Variants in ENTHD1 observed in about 807,000 individuals in gnomAD.
The protein encoded by ENTHD1 is ENTH domain containing 1, also known as ENTH domain-containing protein 1.
A neutral mutation model predicts 39.1 loss-of-function variants in ENTHD1; 23 were observed. The ratio of observed to expected loss-of-function variants is 0.59; its 90% CI spans 0.42 to 0.83. The LOEUF is 0.83. Ranked by LOEUF, ENTHD1 falls within the 40% of genes least tolerant of loss-of-function variation. The pLI is 0.00. For missense variants in ENTHD1, 624 were observed against 705.4 expected (o/e 0.88, Z 1.31); for synonymous variants, 230 against 258.2 (o/e 0.89, Z 1.05).
chr22:39,865,229 C>G (rs899086709), intron 2 of ENTHD1, among the ~76,000 whole-genome samples: 2 of 152,014 alleles, frequency 1.3e-5, no homozygotes, highest in African/African-American at 4.8e-5. Flanking sequence ...GGACTTCTCC[C>G]CAGATCATCA....
At chr22:39,777,399 CGT>C (rs148948012) in intron 5 of ENTHD1, among the ~76,000 whole-genome samples, 4 of 151,264 alleles carry the variant, frequency 2.6e-5, no homozygotes, top group East Asian at 3.9e-4. Flanking sequence ...TGATTGTGTG[CGT>C]GTGTGTGTGT....
rs952921105 is a variant in ENTHD1 at position 39,867,618 on chromosome 22, C to T, written c.350-5611G>A. ...AATTACTTACTTAGCTTTAGTCTCC[C>T]TTCCAATCTACCCTCCACAATGCCT... is the stretch of plus-strand genomic sequence containing the variant. On this transcript the variant is annotated intron_variant, in intron 2 of 6. Transcript: ENST00000325157. This position sits in a 1 kb window ranked among gnomAD's most constrained non-coding sequence, Gnocchi z 4.5. 6.6e-6 allele frequency among the ~76,000 whole-genome samples: 1 copy of T among 152,158 alleles called. No homozygotes were observed. The highest frequency in any genetic ancestry group is 1.5e-5 in the Non-Finnish European group (1 of 68,026).
intron 2 of ENTHD1, among the ~76,000 whole-genome samples, chr22:39,876,631 G>A (rs2066292158): frequency 6.6e-6 from 1 of 152,020 alleles, no homozygotes; most frequent in African/African-American, 2.4e-5. Context: ...TGTGCTATGG[G>A]TGATGGTTCC....
At chr22:39,866,966 G>A (rs1489407367) in intron 2 of ENTHD1, among the ~76,000 whole-genome samples, 1 of 151,910 alleles carries the variant, frequency 6.6e-6, no homozygotes, top group Non-Finnish European at 1.5e-5. Flanking sequence ...GCAGTGGCAC[G>A]ATCTCGGCCC....
chr22:39,849,358 G>A (rs985709782), intron 3 of ENTHD1, among the ~76,000 whole-genome samples: 1 of 152,174 alleles, frequency 6.6e-6, no homozygotes, highest in Non-Finnish European at 1.5e-5. Context: ...AGAAAGGGAT[G>A]TTTGCTAATA....
intron 3 of ENTHD1, among the ~76,000 whole-genome samples, chr22:39,844,471 A>G (rs1166716909): frequency 1.3e-5 from 2 of 152,194 alleles, no homozygotes; most frequent in Admixed American, 1.3e-4. Context: ...CAGTCACTAC[A>G]AAAGCAAGTT....
At chr22:39,758,255 A>C (rs1367728293) in intron 6 of ENTHD1, among the ~76,000 whole-genome samples, 3 of 151,964 alleles carry the variant, frequency 2.0e-5, no homozygotes, top group African/African-American at 7.3e-5. Context: ...TATGCCTTTT[A>C]TTTATTTTTC....
intron 4 of ENTHD1, 49 bp from the exon 5 acceptor site, chr22:39,821,162 C>A (rs761588854): frequency 6.3e-7 from 1 of 1,598,998 alleles, no homozygotes; most frequent in Non-Finnish European, 8.5e-7. Context: ...AATTAATATC[C>A]CTGGATGGAC....
At chr22:39,798,596 T>G (rs1365445711) in intron 5 of ENTHD1, among the ~76,000 whole-genome samples, 1 of 152,178 alleles carries the variant, frequency 6.6e-6, no homozygotes, top group Non-Finnish European at 1.5e-5. Flanking sequence ...GACAGGAGTG[T>G]CAAGTCAGCC....
chr22:39,838,931 T>C (rs2065924866), intron 3 of ENTHD1, among the ~76,000 whole-genome samples: 1 of 152,082 alleles, frequency 6.6e-6, no homozygotes, highest in African/African-American at 2.4e-5. Context: ...GTTAAGGACT[T>C]CATGTATTTT....
chr22:39,844,197 A>G (rs1183594517), intron 3 of ENTHD1, among the ~76,000 whole-genome samples: 1 of 152,182 alleles, frequency 6.6e-6, no homozygotes, highest in African/African-American at 2.4e-5. Context: ...TTTTAAGGTG[A>G]AAAGAGAAGA....
chr22:39,802,153 G>A (rs1053830506), intron 5 of ENTHD1, among the ~76,000 whole-genome samples: 2 of 152,134 alleles, frequency 1.3e-5, no homozygotes, highest in Non-Finnish European at 2.9e-5. Context: ...TGAAAAAGGT[G>A]TGATACCCTT....
intron 2 of ENTHD1, among the ~76,000 whole-genome samples, chr22:39,873,840 T>C (rs2066264373): frequency 6.6e-6 from 1 of 152,222 alleles, no homozygotes; most frequent in African/African-American, 2.4e-5. Flanking sequence ...ATAGAACATA[T>C]TCCTTGGGAT....
chr22:39,862,398 A>G (rs191976839), intron 2 of ENTHD1, among the ~76,000 whole-genome samples: 27 of 152,138 alleles, frequency 1.8e-4, no homozygotes, highest in Non-Finnish European at 3.7e-4. Flanking sequence ...AATACAAAAA[A>G]CTAGCTGGGC....
chr22:39,822,365 T>C (rs899234282), intron 4 of ENTHD1, among the ~76,000 whole-genome samples: 5 of 152,182 alleles, frequency 3.3e-5, no homozygotes, highest in African/African-American at 1.2e-4. Flanking sequence ...TTCCAGCTGA[T>C]ACCATCCCAC....
chr22:39,830,139 A>G (rs2065857367), intron 4 of ENTHD1, among the ~76,000 whole-genome samples: 1 of 152,132 alleles, frequency 6.6e-6, no homozygotes. Context: ...GCAGTGGTGT[A>G]ATCTTAGCTC....
chr22:39,780,280 G>A lies in ENTHD1; in HGVS notation c.833-14671C>T, dbSNP rs375452371. Among the ~76,000 whole-genome samples the A allele has an allele frequency of 1.9e-4, 29 of 151,920 alleles. No individual in the cohort carries two copies. In the East Asian group the frequency reaches 4.9e-3, roughly 25 times the overall value. On this transcript the variant is annotated intron_variant, in intron 5 of 6. Transcript: ENST00000325157. ...TAGTCCCAGCTACCCAGGAGGCCGA[G>A]CCAGGAGAATCACTTGAACCTAGGA...
In ENTHD1 at chr22:39,850,103, A is replaced by G. The variant is rs142107064; in HGVS notation, c.592+11662T>C. ...AATGTAAAGACTTCCTTTATAACAC[A>G]TATCATCAATTATAAAATCCATATT... On this transcript the variant is annotated intron_variant, in intron 3 of 6. Coordinates refer to ENST00000325157, the MANE Select transcript of ENTHD1 (RefSeq NM_152512.4). 3.2e-3 allele frequency among the ~76,000 whole-genome samples: 485 copies of G among 152,268 alleles called. 3 individuals are homozygous for G. The highest frequency in any genetic ancestry group is 0.011 in the African/African-American group (463 of 41,546).
chr22:39,774,603 C>A (rs1430505526), intron 5 of ENTHD1, among the ~76,000 whole-genome samples: 2 of 152,314 alleles, frequency 1.3e-5, no homozygotes, highest in East Asian at 3.9e-4. Flanking sequence ...ACAGCCCAGC[C>A]AGAGTGACCT....
Sources: gnomAD v4.1 joint callset for allele counts (sites outside exome capture counted in the v4.1 genomes callset) on GRCh38, gnomAD v4.1.1 for gene constraint, Gnocchi (gnomAD v3.1) non-coding constraint, MANE v1.5 for transcripts, NCBI Gene and HGNC (gene_info 2026-07-23, HGNC 2026-07-21) for gene names.